ERG: variants seen among roughly 807,000 people sequenced by gnomAD.
ERG encodes transcriptional regulator ERG.
A neutral mutation model predicts 55.3 loss-of-function variants in ERG; 9 were observed. The ratio of observed to expected loss-of-function variants is 0.16; its 90% CI spans 0.10 to 0.28. The LOEUF (loss-of-function observed/expected upper bound fraction) is 0.28. Among genes scored for constraint, ERG ranks in the 10% least tolerant of loss-of-function variants. The pLI is 1.00. For synonymous variants in ERG, 223 were observed against 237.3 expected (o/e 0.94, Z 0.55); for missense variants, 434 against 631.6 (o/e 0.69, Z 3.35).
At chr21:38,370,989 T>C in the ERG span, among the ~76,000 whole-genome samples, 1 of 151,874 alleles carries the variant, frequency 6.6e-6, no homozygotes, top group Non-Finnish European at 1.5e-5. Context: ...AGTGGGTTTC[T>C]AGATTATCTT....
At chr21:38,661,164 G>A (rs2060553532) in intron 1 of ERG, among the ~76,000 whole-genome samples, 1 of 151,888 alleles carries the variant, frequency 6.6e-6, no homozygotes, top group African/African-American at 2.4e-5. Context: ...GGGAGGAGAG[G>A]GGGTCAGGGG....
intron 5 of ERG, among the ~76,000 whole-genome samples, chr21:38,400,930 C>T (rs116526469): frequency 2.9e-4 from 44 of 152,342 alleles, no homozygotes; most frequent in African/African-American, 1.0e-3. Context: ...CCCTCAATCC[C>T]ACTTCCCACT....
chr21:38,376,525 C>G (rs554736863), downstream of ERG, among the ~76,000 whole-genome samples: 215 of 152,370 alleles, frequency 1.4e-3, no homozygotes, highest in Non-Finnish European at 2.6e-3. Context: ...CCACTGCAGG[C>G]TTAACCCATG....
intron 2 of ERG, among the ~76,000 whole-genome samples, chr21:38,515,245 C>A (rs1025760408): frequency 1.3e-5 from 2 of 151,688 alleles, no homozygotes; most frequent in Admixed American, 6.6e-5. Flanking sequence ...AATGCAGAGT[C>A]AAAAACAGAC....
chr21:38,452,583 T>C (rs754228685), intron 1 of ERG, among the ~76,000 whole-genome samples: 9 of 152,256 alleles, frequency 5.9e-5, no homozygotes, highest in Non-Finnish European at 1.2e-4. Context: ...AGATATTCTT[T>C]ATCTTTAATC....
intron 2 of ERG, among the ~76,000 whole-genome samples, chr21:38,440,574 A>G (rs1476193019): frequency 3.3e-5 from 5 of 152,030 alleles, no homozygotes; most frequent in Non-Finnish European, 7.4e-5. Context: ...TAATCCCAGC[A>G]CTTTGGGAGG....
At chr21:38,445,642 A>G (rs1427376180) in intron 1 of ERG, 21 bp from the exon 2 acceptor site, 2 of 1,598,844 alleles carry the variant, frequency 1.3e-6, no homozygotes, top group East Asian at 4.5e-5. Context: ...AAAGAAACAC[A>G]TAATTCAAGA....
intron 1 of ERG, among the ~76,000 whole-genome samples, chr21:38,602,115 T>C (rs1404930718): frequency 3.3e-5 from 5 of 152,178 alleles, no homozygotes. Flanking sequence ...TTTTTAACTT[T>C]TGGCTCTTTC....
At chr21:38,561,500 C>T (rs2059892687) in intron 2 of ERG, among the ~76,000 whole-genome samples, 1 of 145,468 alleles carries the variant, frequency 6.9e-6, no homozygotes, top group African/African-American at 2.6e-5. Flanking sequence ...AATATTTGAA[C>T]TGGGGGCTTT....
intron 1 of ERG, among the ~76,000 whole-genome samples, chr21:38,467,219 T>G (rs891610072): frequency 6.6e-6 from 1 of 152,194 alleles, no homozygotes; most frequent in Non-Finnish European, 1.5e-5. Context: ...AGCAAGAGGC[T>G]TGTCAATGCA....
At chr21:38,600,242 G>C (rs1219479313) in intron 1 of ERG, among the ~76,000 whole-genome samples, 1 of 152,236 alleles carries the variant, frequency 6.6e-6, no homozygotes, top group Non-Finnish European at 1.5e-5. Context: ...AAAACACCCA[G>C]GTTTGAGAAT....
At chr21:38,446,206 C>T (rs1205478114) in intron 1 of ERG, among the ~76,000 whole-genome samples, 2 of 111,422 alleles carry the variant, frequency 1.8e-5, no homozygotes, top group Non-Finnish European at 3.3e-5. Context: ...TGATGGTGAG[C>T]ATCTGGATGA....
At chr21:38,594,528 G>A (rs1455194903) in intron 1 of ERG, among the ~76,000 whole-genome samples, 3 of 152,128 alleles carry the variant, frequency 2.0e-5, no homozygotes, top group Non-Finnish European at 4.4e-5. Context: ...TGCAAGGTGT[G>A]TCTCTCACTC....
intron 2 of ERG, among the ~76,000 whole-genome samples, chr21:38,561,779 T>C (rs775097358): frequency 3.3e-5 from 5 of 152,184 alleles, no homozygotes; most frequent in Non-Finnish European, 7.3e-5. Flanking sequence ...ATATTGATCT[T>C]AGCAGTGTAT....
chr21:38,475,529 CGCCTTGGGGTCCTT>C (rs2059179154), intron 1 of ERG, among the ~76,000 whole-genome samples: 1 of 152,166 alleles, frequency 6.6e-6, no homozygotes, highest in Admixed American at 6.5e-5. Flanking sequence ...TGCCTGTCCC[CGCCTTGGGGTCCTT>C]GCCTTTGCCA....
At chr21:38,585,617 A>C (rs1448165440), upstream of ERG, among the ~76,000 whole-genome samples, 1 of 142,202 alleles carries the variant, frequency 7.0e-6, no homozygotes, top group African/African-American at 2.6e-5. Context: ...CAAATAATAT[A>C]TTTAGTAGAA....
rs1988986633 is a variant in ERG at position 38,380,233 on chromosome 21, G to A, written c.*3170C>T. 1.9e-6 allele frequency: 2 copies of A among 1,053,730 alleles called. No individual in the cohort carries two copies. The highest frequency in any genetic ancestry group is 3.3e-5 in the African/African-American group (2 of 60,364). The allele number at this position is 1,053,730 out of a possible 1,614,324, so 65.3% of individuals were successfully genotyped here. A position where few individuals can be genotyped will look rare whatever the true frequency, so the allele number is the denominator to read the frequency against. On this transcript the variant is annotated 3_prime_UTR_variant, in exon 10 of 10. Coordinates refer to ENST00000288319, the MANE Select transcript of ERG (RefSeq NM_182918.4). ...CCATCACCTTCCCAGCTCCTGAGCT[G>A]TAGCCATCTCTGCTGCACCTGCTGT...
At chr21:38,496,943 T>C (rs1473432242) in intron 1 of ERG, among the ~76,000 whole-genome samples, 1 of 152,110 alleles carries the variant, frequency 6.6e-6, no homozygotes, top group Non-Finnish European at 1.5e-5. Context: ...AGGATGAAAA[T>C]AAGAACAAAA....
chr21:38,500,107 G>A (rs2059410387), upstream of ERG, among the ~76,000 whole-genome samples: 1 of 152,192 alleles, frequency 6.6e-6, no homozygotes, highest in Admixed American at 6.5e-5. Context: ...CTGGAGTGCG[G>A]AGGAGAAAAG....
Sources: gnomAD v4.1 joint callset for allele counts (sites outside exome capture counted in the v4.1 genomes callset) on GRCh38, gnomAD v4.1.1 for gene constraint, MANE v1.5 for transcripts, NCBI Gene and HGNC (gene_info 2026-07-23, HGNC 2026-07-21) for gene names.